CBL: variants seen among roughly 807,000 people sequenced by gnomAD.
The protein encoded by CBL is E3 ubiquitin-protein ligase CBL.
CBL carries 45 observed loss-of-function variants against 96.9 expected under a neutral mutation model. That is an observed-to-expected ratio of 0.46 (90% CI 0.37 to 0.60). The LOEUF is 0.60. Ranked by LOEUF, CBL falls within the 20% of genes least tolerant of loss-of-function variation. The probability of loss-of-function intolerance (pLI) is 0.00; values close to 1 mark genes in which losing one functional copy is unlikely to be tolerated. For missense variants in CBL, 1,024 were observed against 1,143.5 expected (o/e 0.90, Z 1.51); for synonymous variants, 420 against 426.8 (o/e 0.98, Z 0.20).
chr11:119,209,380 G>T (rs991891205), intron 1 of CBL, among the ~76,000 whole-genome samples: 1 of 152,210 alleles, frequency 6.6e-6, no homozygotes, highest in African/African-American at 2.4e-5. Flanking sequence ...CACTTTGGGA[G>T]GCCGAGGTGG....
chr11:119,255,659 G>A (rs901803524), intron 2 of CBL, among the ~76,000 whole-genome samples: 5 of 151,886 alleles, frequency 3.3e-5, no homozygotes, highest in African/African-American at 7.3e-5. Context: ...GTCTCATTAC[G>A]GAAGTAATCA....
At chr11:119,255,555 T>G (rs572764854) in intron 2 of CBL, among the ~76,000 whole-genome samples, 1 of 152,050 alleles carries the variant, frequency 6.6e-6, no homozygotes, top group African/African-American at 2.4e-5. Flanking sequence ...AAATACATAT[T>G]TTACTATTTC....
intron 12 of CBL, among the ~76,000 whole-genome samples, chr11:119,290,153 C>T (rs188218801): frequency 2.0e-4 from 31 of 152,126 alleles, no homozygotes; most frequent in Non-Finnish European, 3.4e-4. Context: ...TCAAGTGATC[C>T]TCCTGCCTCA....
Position 119,299,594 on chromosome 11 carries a change from G to T in CBL, c.2534G>T (p.Gly845Val), listed in dbSNP as rs201364447. 1.9e-6 allele frequency: 3 copies of T among 1,614,050 alleles called. No homozygotes were observed. Among genetic ancestry groups the T allele is most frequent in the Non-Finnish European group, 2.5e-6 (3 of 1,180,036 alleles). The part of the protein sequence containing the change: ...RKAGSCQQGS[G>V]PAASAATASP... The stretch of plus-strand genomic sequence containing the variant: ...GCTGGCAGCTGTCAGCAAGGTAGTG[G>T]TCCTGCCGCCTCTGCTGCCACCGCC... The change falls in exon 16 of 16, where the codon GGT becomes GTT. Residue 845 changes from glycine to valine, a missense_variant. Physicochemically the swap from Gly to Val is moderately radical, Grantham distance 109. Around this residue, in one of 4 missense-constraint regions of CBL, gnomAD observed 695 missense variants for 661.6 expected, o/e 1.05. Transcript: ENST00000264033.
rs772494648 is a variant in CBL, at chr11:119,301,665, C to T, written c.*1884C>T. 12 of 233,132 alleles carry T rather than the reference C, an allele frequency of 5.1e-5. No individual in the cohort carries two copies. Among genetic ancestry groups the T allele is most frequent in the Non-Finnish European group, 7.6e-5 (9 of 118,032 alleles). 14.4% of individuals were successfully genotyped at this position (233,132 alleles called of 1,614,324 possible). On this transcript the variant is annotated 3_prime_UTR_variant, in exon 16 of 16. Transcript: ENST00000264033. Reference sequence around the variant, plus strand: ...TCCCAGAGTAGGCAGTACAGGATCTCGTGTTGATTTGCTGTGGTTACCCAG... The same window carrying T: ...TCCCAGAGTAGGCAGTACAGGATCTTGTGTTGATTTGCTGTGGTTACCCAG...
chr11:119,223,974 T>C (rs1949434415), intron 1 of CBL, among the ~76,000 whole-genome samples: 1 of 152,162 alleles, frequency 6.6e-6, no homozygotes, highest in Non-Finnish European at 1.5e-5. Flanking sequence ...AAAGAGTACC[T>C]ACCTGTATAT....
At chr11:119,240,739 G>A (rs1277277427) in intron 2 of CBL, among the ~76,000 whole-genome samples, 1 of 152,066 alleles carries the variant, frequency 6.6e-6, no homozygotes, top group Non-Finnish European at 1.5e-5. Context: ...CTAGTTTTTT[G>A]GGTGTTGAGG....
intron 1 of CBL, among the ~76,000 whole-genome samples, chr11:119,215,411 C>T (rs552481475): frequency 3.3e-5 from 5 of 149,268 alleles, no homozygotes; most frequent in African/African-American, 5.0e-5. Context: ...ACTAAATATT[C>T]GTTTGAAAAC....
chr11:119,305,253 G>T lies in CBL; in HGVS notation c.*5472G>T. The T allele has an allele frequency of 4.3e-6, 1 of 231,144 alleles. No individual in the cohort carries two copies. The highest frequency in any genetic ancestry group is 8.6e-6 in the Non-Finnish European group (1 of 116,866). The allele number at this position is 231,144 out of a possible 1,614,324, so 14.3% of individuals were successfully genotyped here. A position where few individuals can be genotyped will look rare whatever the true frequency, so the allele number is the denominator to read the frequency against. On this transcript the variant is annotated 3_prime_UTR_variant, in exon 16 of 16. Transcript: ENST00000264033. The stretch of plus-strand genomic sequence containing the variant: ...GTTTTTCTTCCCTTTGTCAGTCTTC[G>T]CATCCAAGATTTCTTCCCTCCCTCT...
intron 1 of CBL, among the ~76,000 whole-genome samples, chr11:119,219,183 G>A (rs1413939390): frequency 6.6e-6 from 1 of 152,136 alleles, no homozygotes; most frequent in African/African-American, 2.4e-5. Flanking sequence ...TTGGAGACCA[G>A]CCTGGCCAAC....
At chr11:119,286,290 A>G (rs1262682949) in intron 11 of CBL, among the ~76,000 whole-genome samples, 2 of 152,140 alleles carry the variant, frequency 1.3e-5, no homozygotes, top group Non-Finnish European at 2.9e-5. Flanking sequence ...CAAGAGTGAA[A>G]CTTTGTCTCA....
At chr11:119,299,110 T>C (rs1156506698) in intron 15 of CBL, among the ~76,000 whole-genome samples, 3 of 152,242 alleles carry the variant, frequency 2.0e-5, no homozygotes, top group Non-Finnish European at 4.4e-5. Flanking sequence ...CCTTGGCTAA[T>C]GCTTCTTCAT....
Position 119,298,499 on chromosome 11 carries a change from C to T in CBL, c.2393C>T (p.Ser798Phe), listed in dbSNP as rs587778158. The change falls in exon 15 of 16, where the codon TCC becomes TTC. Residue 798 changes from serine (S) to phenylalanine (F), a missense_variant. Physicochemically the swap from Ser to Phe is radical, Grantham distance 155 (BLOSUM62 -2). Around this residue, in one of 4 missense-constraint regions of CBL, gnomAD observed 695 missense variants for 661.6 expected, o/e 1.05. Coordinates refer to ENST00000264033, the MANE Select transcript of CBL (RefSeq NM_005188.4). The part of the protein sequence containing the change: ...RTLSDISNAS[S>F]SFGWLSLDGD... ...CTCTCAGATATCTCTAATGCCAGCT[C>T]CTCCTTTGGCTGGTTGTCTCTGGAT... is the stretch of plus-strand genomic sequence containing the variant. The T allele has an allele frequency of 8.6e-5, 138 of 1,614,020 alleles. No homozygotes were observed. Among genetic ancestry groups the T allele is most frequent in the Non-Finnish European group, 1.1e-4 (133 of 1,179,998 alleles).
chr11:119,278,870 A>G (rs570885631), intron 9 of CBL, among the ~76,000 whole-genome samples, 157 bp downstream of exon 9: 1 of 152,340 alleles, frequency 6.6e-6, no homozygotes, highest in East Asian at 1.9e-4. Context: ...TAAGCACTTT[A>G]CTTGTTTTTT....
intron 2 of CBL, among the ~76,000 whole-genome samples, chr11:119,234,093 G>A (rs928825008): frequency 1.3e-5 from 2 of 152,002 alleles, no homozygotes; most frequent in Admixed American, 6.6e-5. Context: ...CGCAACCTCC[G>A]CCTCTTGGGT....
chr11:119,217,031 G>T (rs1949367277), intron 1 of CBL, among the ~76,000 whole-genome samples: 1 of 152,194 alleles, frequency 6.6e-6, no homozygotes, highest in Non-Finnish European at 1.5e-5. Flanking sequence ...TTTTACATCT[G>T]CAGATAAGTT....
rs959299826 is a variant in CBL, at chr11:119,228,201, C to T, written c.196-4247C>T. On this transcript the variant is annotated intron_variant, in intron 1 of 15. Coordinates refer to ENST00000264033, the MANE Select transcript of CBL (RefSeq NM_005188.4). Reference sequence around the variant, plus strand: ...TGTGATCTTGGCTGACTGCAACCTCCGCCTCAAGCGGCCCTCCCACCTCAG... The same window carrying T: ...TGTGATCTTGGCTGACTGCAACCTCTGCCTCAAGCGGCCCTCCCACCTCAG... 3.3e-5 allele frequency among the ~76,000 whole-genome samples: 5 copies of T among 152,222 alleles called. No homozygotes were observed. In the East Asian group the frequency reaches 5.8e-4, roughly 18 times the overall value.
In CBL at chr11:119,305,045, A is replaced by C. The variant is rs892109269; in HGVS notation, c.*5264A>C. The C allele has an allele frequency of 4.6e-5, 10 of 217,002 alleles. No individual in the cohort carries two copies. Among genetic ancestry groups the C allele is most frequent in the Non-Finnish European group, 9.3e-5 (10 of 107,886 alleles). The allele number at this position is 217,002 out of a possible 1,614,324, so 13.4% of individuals were successfully genotyped here. On this transcript the variant is annotated 3_prime_UTR_variant, in exon 16 of 16. Transcript: ENST00000264033. ...GTGGCAGGCTCCTTCAGCTGGAGAC[A>C]GGGAGCTTCTCAGAGAAGTGAGCAG...
chr11:119,238,699 C>T (rs899221479), intron 2 of CBL, among the ~76,000 whole-genome samples: 6 of 151,982 alleles, frequency 3.9e-5, no homozygotes, highest in Non-Finnish European at 2.9e-5. Context: ...GGTGTGCTGG[C>T]GAGTACCTCT....
Sources: allele counts gnomAD v4.1 joint callset (sites outside exome capture counted in the v4.1 genomes callset), GRCh38; gene constraint gnomAD v4.1.1; regional missense constraint gnomAD v4.1.1; transcripts MANE v1.5; gene names NCBI Gene and HGNC (gene_info 2026-07-23, HGNC 2026-07-21).